The following ATP9A variants were observed in gnomAD, a reference collection of about 807,000 sequenced individuals.
The protein encoded by ATP9A is ATPase phospholipid transporting 9A, also known as probable phospholipid-transporting ATPase IIA.
Under a neutral mutation model 144.1 loss-of-function variants are expected in ATP9A, and 52 were observed. The ratio of observed to expected loss-of-function variants is 0.36; its 90% CI spans 0.29 to 0.45. ATP9A has a LOEUF of 0.45. Ranked by LOEUF, ATP9A falls within the 20% of genes least tolerant of loss-of-function variation. The pLI is 1.00. For missense variants in ATP9A, 947 were observed against 1,392.7 expected (o/e 0.68, Z 5.09); for synonymous variants, 582 against 557.4 (o/e 1.04, Z -0.62).
chr20:51,700,842 A>G (rs1226487201), intron 4 of ATP9A, among the ~76,000 whole-genome samples: 3 of 152,150 alleles, frequency 2.0e-5, no homozygotes, highest in African/African-American at 7.2e-5. Context: ...AAAAATAGAA[A>G]ACAGAGAGGG....
chr20:51,715,127 G>C (rs887622486), intron 3 of ATP9A, among the ~76,000 whole-genome samples: 1 of 152,160 alleles, frequency 6.6e-6, no homozygotes, highest in Non-Finnish European at 1.5e-5. Context: ...GGTTCTTGGA[G>C]AATTTCACTT....
At chr20:51,610,828 G>C (rs1318871825) in intron 23 of ATP9A, among the ~76,000 whole-genome samples, 2 of 152,170 alleles carry the variant, frequency 1.3e-5, no homozygotes, top group Non-Finnish European at 2.9e-5. Context: ...ACATGTTTCG[G>C]TATTTGGGGA....
At chr20:51,706,011 G>A (rs192320908) in intron 4 of ATP9A, among the ~76,000 whole-genome samples, 1 of 152,314 alleles carries the variant, frequency 6.6e-6, no homozygotes, top group Admixed American at 6.5e-5. Flanking sequence ...ATGTGAATTT[G>A]TAAGTAGGAG....
intron 1 of ATP9A, among the ~76,000 whole-genome samples, chr20:51,736,873 G>A (rs1031650707): frequency 6.6e-6 from 1 of 151,950 alleles, no homozygotes; most frequent in Admixed American, 6.6e-5. Context: ...GTGGCAGTGG[G>A]GGAGTGAGGA....
chr20:51,654,021 T>C (rs2077377537), intron 14 of ATP9A, among the ~76,000 whole-genome samples: 1 of 152,022 alleles, frequency 6.6e-6, no homozygotes, highest in South Asian at 2.1e-4. Context: ...GAAGAAATGA[T>C]GATAAACCTG....
chr20:51,703,144 T>C (rs1311616241), intron 4 of ATP9A, among the ~76,000 whole-genome samples: 3 of 152,184 alleles, frequency 2.0e-5, no homozygotes, highest in African/African-American at 7.2e-5. Flanking sequence ...TCTAACCACC[T>C]GATCTTAATA....
In ATP9A at chr20:51,622,179, T is replaced by C. The variant is rs1007795544; in HGVS notation, c.2017-7A>G. The C allele has an allele frequency of 4.3e-6, 7 of 1,613,038 alleles. No individual in the cohort carries two copies. In the Admixed American group the frequency reaches 8.3e-5, roughly 19 times the overall value. ...CCCCTGTCAGCATCCAAACCTGAAA[T>C]CATGGCGTGACAGAGGTCCTGTTTA... On this transcript the variant is annotated splice_region_variant and splice_polypyrimidine_tract_variant and intron_variant, in intron 18 of 27. Coordinates refer to ENST00000338821, the MANE Select transcript of ATP9A (RefSeq NM_006045.3).
At chr20:51,695,598 C>T (rs921737656) in intron 6 of ATP9A, among the ~76,000 whole-genome samples, 1 of 151,992 alleles carries the variant, frequency 6.6e-6, no homozygotes, top group East Asian at 1.9e-4. Flanking sequence ...TCCCACCCCA[C>T]AAACTCAGGC....
intron 9 of ATP9A, among the ~76,000 whole-genome samples, chr20:51,676,579 A>G (rs2077478215): frequency 5.3e-5 from 8 of 152,196 alleles, no homozygotes; most frequent in Admixed American, 3.3e-4. Flanking sequence ...CCTGGGTTCA[A>G]GCAATTATCC....
At chr20:51,678,828 A>C (rs2077488097) in intron 9 of ATP9A, among the ~76,000 whole-genome samples, 2 of 152,176 alleles carry the variant, frequency 1.3e-5, no homozygotes, top group Non-Finnish European at 2.9e-5. Flanking sequence ...AATGCTGCTG[A>C]AAATGGCCTT....
At chr20:51,664,194 A>G (rs2077423393) in intron 13 of ATP9A, among the ~76,000 whole-genome samples, 1 of 152,142 alleles carries the variant, frequency 6.6e-6, no homozygotes, top group African/African-American at 2.4e-5. Flanking sequence ...AAGTTTTCCA[A>G]GTACCTTCCA....
chr20:51,716,823 T>C (rs909142382), intron 3 of ATP9A, among the ~76,000 whole-genome samples: 1 of 152,184 alleles, frequency 6.6e-6, no homozygotes, highest in African/African-American at 2.4e-5. Context: ...GAAAGGATCA[T>C]TCCTTTTTAC....
intron 1 of ATP9A, among the ~76,000 whole-genome samples, chr20:51,759,270 G>A (rs911954303): frequency 6.6e-6 from 1 of 151,102 alleles, no homozygotes; most frequent in Non-Finnish European, 1.5e-5. Context: ...GGCTGAGGAG[G>A]GGGGTGTCTC....
chr20:51,729,743 T>TA (rs893119383), intron 2 of ATP9A, 91 bp downstream of exon 2: 12 of 1,384,262 alleles, frequency 8.7e-6, no homozygotes, highest in African/African-American at 6.2e-5. Flanking sequence ...AGACTCTGTC[T>TA]AAAAAATAAC....
intron 9 of ATP9A, among the ~76,000 whole-genome samples, chr20:51,680,705 T>G (rs2077496561): frequency 6.6e-6 from 1 of 151,978 alleles, no homozygotes; most frequent in Non-Finnish European, 1.5e-5. Flanking sequence ...AAGTGAAATC[T>G]CACATAATTA....
rs1329573311 is a variant in ATP9A at position 51,598,795 on chromosome 20, C to T, written c.*2416G>A. ...CATTCCTAGGTGTTCAGGGACCGTC[C>T]AGTGAATGGCGTCAGCCAGCTGCCC... is the stretch of plus-strand genomic sequence containing the variant. On this transcript the variant is annotated 3_prime_UTR_variant, in exon 28 of 28. Coordinates refer to ENST00000338821, the MANE Select transcript of ATP9A (RefSeq NM_006045.3). The T allele has an allele frequency of 5.3e-5, 8 of 152,316 alleles. No homozygotes were observed. Among genetic ancestry groups the T allele is most frequent in the African/African-American group, 1.9e-4 (8 of 41,474 alleles). The allele number at this position is 152,316 out of a possible 1,614,324, so 9.4% of individuals were successfully genotyped here. A position where few individuals can be genotyped will look rare whatever the true frequency, so the allele number is the denominator to read the frequency against.
intron 1 of ATP9A, among the ~76,000 whole-genome samples, chr20:51,756,428 T>C (rs1299892361): frequency 1.3e-5 from 2 of 152,136 alleles, no homozygotes; most frequent in Non-Finnish European, 2.9e-5. Context: ...GTAGCTGAGA[T>C]TACAGGTGCA....
chr20:51,623,792 A>G (rs1343957207), intron 18 of ATP9A, among the ~76,000 whole-genome samples: 1 of 141,296 alleles, frequency 7.1e-6, no homozygotes, highest in Non-Finnish European at 1.5e-5. Flanking sequence ...TGTCTCAAAA[A>G]AAAAAAAAAA....
intron 13 of ATP9A, among the ~76,000 whole-genome samples, chr20:51,665,287 A>G (rs1442792688): frequency 1.3e-5 from 2 of 152,312 alleles, no homozygotes; most frequent in East Asian, 3.9e-4. Flanking sequence ...CTTTCTTTTT[A>G]GGGTTGATAA....
Sources: allele counts gnomAD v4.1 joint callset (sites outside exome capture counted in the v4.1 genomes callset), GRCh38; gene constraint gnomAD v4.1.1; transcripts MANE v1.5; gene names NCBI Gene and HGNC (gene_info 2026-07-23, HGNC 2026-07-21).